Variants in OTUD7A observed in about 807,000 individuals in gnomAD.
OTUD7A encodes the protein OTU deubiquitinase 7A.
A neutral mutation model predicts 65.7 loss-of-function variants in OTUD7A; 12 were observed. The ratio of observed to expected loss-of-function variants is 0.18; its 90% confidence interval spans 0.12 to 0.30. OTUD7A has a LOEUF of 0.30. Ranked by LOEUF, OTUD7A falls within the 10% of genes least tolerant of loss-of-function variation. The pLI is 1.00. For synonymous variants in OTUD7A, 641 were observed against 586.3 expected (o/e 1.09, Z -1.35); for missense variants, 1,148 against 1,304.8 (o/e 0.88, Z 1.85).
intron 1 of OTUD7A, among the ~76,000 whole-genome samples, chr15:31,854,539 T>C (rs973081869): frequency 6.6e-6 from 1 of 152,220 alleles, no homozygotes; most frequent in Admixed American, 6.5e-5. Context: ...GGCAAAGTCC[T>C]GAAGCTGCCA....
intron 1 of OTUD7A, among the ~76,000 whole-genome samples, chr15:31,775,119 C>G (rs1895342993): frequency 6.6e-6 from 1 of 150,870 alleles, no homozygotes; most frequent in Admixed American, 6.6e-5. Flanking sequence ...CACACACACA[C>G]CCCTCCCCTC....
intron 1 of OTUD7A, among the ~76,000 whole-genome samples, chr15:31,745,580 A>T (rs1214623669): frequency 6.6e-6 from 1 of 152,124 alleles, no homozygotes; most frequent in East Asian, 1.9e-4. Flanking sequence ...TACAACTATA[A>T]CCTTTTTCAG....
intron 5 of OTUD7A, among the ~76,000 whole-genome samples, chr15:31,545,926 TG>T (rs1279248239): frequency 6.6e-6 from 1 of 152,134 alleles, no homozygotes; most frequent in Non-Finnish European, 1.5e-5. Flanking sequence ...AACCAACTGC[TG>T]ATAGAAATAA....
At chr15:31,797,387 A>C (rs1283957847) in intron 1 of OTUD7A, among the ~76,000 whole-genome samples, 1 of 152,202 alleles carries the variant, frequency 6.6e-6, no homozygotes, top group African/African-American at 2.4e-5. Flanking sequence ...TTGGCAGTGA[A>C]GGGAATGTAG....
chr15:31,514,057 CTTTT>C (rs375888532), intron 8 of OTUD7A, among the ~76,000 whole-genome samples: 29 of 23,096 alleles, frequency 1.3e-3, no homozygotes, highest in South Asian at 5.8e-3. Flanking sequence ...TTCTTTCTTT[CTTTT>C]TTTTTTTTTT....
chr15:31,645,836 A>T (rs1047311133), intron 3 of OTUD7A, among the ~76,000 whole-genome samples: 2 of 152,156 alleles, frequency 1.3e-5, no homozygotes, highest in Non-Finnish European at 2.9e-5. Flanking sequence ...TTTTGTTAGA[A>T]CACAGCTGCC....
At chr15:31,649,722 G>C (rs896116457) in intron 3 of OTUD7A, 1 of 430,582 alleles carries the variant, frequency 2.3e-6, no homozygotes, top group Non-Finnish European at 4.8e-6. Context: ...TGAGGTGAGT[G>C]AGCACTCACC....
chr15:31,847,064 G>A (rs1897309124), intron 1 of OTUD7A, among the ~76,000 whole-genome samples: 1 of 152,204 alleles, frequency 6.6e-6, no homozygotes, highest in South Asian at 2.1e-4. Flanking sequence ...AGAGGGCAGG[G>A]CACCCCGCAG....
At chr15:31,863,327 T>C (rs1031375938) in intron 1 of OTUD7A, among the ~76,000 whole-genome samples, 5 of 152,218 alleles carry the variant, frequency 3.3e-5, no homozygotes, top group Admixed American at 3.3e-4. Context: ...CAGGAGGGAC[T>C]TGTGTGGGGG....
intron 1 of OTUD7A, among the ~76,000 whole-genome samples, chr15:31,737,948 T>TATATA (rs1180923423): frequency 4.6e-5 from 7 of 152,250 alleles, no homozygotes; most frequent in Non-Finnish European, 1.0e-4. Flanking sequence ...TGTTCATAAA[T>TATATA]GTATAGGTGT....
intron 10 of OTUD7A, among the ~76,000 whole-genome samples, chr15:31,489,184 C>G (rs1249627799): frequency 1.3e-5 from 2 of 152,168 alleles, no homozygotes; most frequent in African/African-American, 4.8e-5. Context: ...GTGGCACAGG[C>G]TCTCCCCATC....
At chr15:31,696,005 G>A (rs1893071966) in intron 1 of OTUD7A, among the ~76,000 whole-genome samples, 2 of 152,358 alleles carry the variant, frequency 1.3e-5, no homozygotes, top group South Asian at 4.2e-4. Context: ...ACTGCCCCAC[G>A]GAGGAGAATT....
At chr15:31,636,361 T>C (rs952379304) in intron 3 of OTUD7A, among the ~76,000 whole-genome samples, 2 of 152,174 alleles carry the variant, frequency 1.3e-5, no homozygotes, top group African/African-American at 2.4e-5. Flanking sequence ...TTACAACAGT[T>C]CTGGTTCTGG....
intron 3 of OTUD7A, among the ~76,000 whole-genome samples, chr15:31,629,366 A>G (rs1039409648): frequency 6.6e-6 from 1 of 152,092 alleles, no homozygotes; most frequent in Non-Finnish European, 1.5e-5. Flanking sequence ...GGTTTTTGTC[A>G]TTGGTTCTGT....
chr15:31,611,175 T>A (rs1890408780), intron 3 of OTUD7A, among the ~76,000 whole-genome samples: 1 of 152,100 alleles, frequency 6.6e-6, no homozygotes, highest in African/African-American at 2.4e-5. Context: ...GGAAACTTCA[T>A]AGCCCTACAC....
chr15:31,718,765 T>C (rs1377765054), intron 1 of OTUD7A, among the ~76,000 whole-genome samples: 1 of 147,784 alleles, frequency 6.8e-6, no homozygotes, highest in East Asian at 1.9e-4. Flanking sequence ...ACTCCATTGT[T>C]ATCATGGACT....
chr15:31,499,378 C>T (rs992796455), intron 10 of OTUD7A, among the ~76,000 whole-genome samples: 8 of 152,062 alleles, frequency 5.3e-5, no homozygotes, highest in East Asian at 1.9e-4. Context: ...TCCTGGGGCT[C>T]GATATTCTGG....
rs1887767169 is a variant in OTUD7A, at chr15:31,535,576, A to G, written c.551-4768T>C. Among the ~76,000 whole-genome samples, 4 of 152,148 alleles carry G rather than the reference A, an allele frequency of 2.6e-5. 1 individual carries two copies. In the South Asian group the frequency reaches 8.3e-4, roughly 32 times the overall value. On this transcript the variant is annotated intron_variant, in intron 5 of 12. Coordinates refer to ENST00000307050, the MANE Select transcript of OTUD7A (RefSeq NM_001382637.1). The stretch of plus-strand genomic sequence containing the variant: ...AACATAAGACTCATATAAGAAATTC[A>G]GAGCAGCCTTATTTCTCAATAAAAC...
chr15:31,583,511 T>C (rs963488805), intron 3 of OTUD7A, among the ~76,000 whole-genome samples: 12 of 151,996 alleles, frequency 7.9e-5, no homozygotes, highest in East Asian at 5.8e-4. Flanking sequence ...TGGGAGACAA[T>C]TGAATCATGG....
Sources: gnomAD v4.1 joint callset for allele counts (sites outside exome capture counted in the v4.1 genomes callset) on GRCh38, gnomAD v4.1.1 for gene constraint, MANE v1.5 for transcripts, NCBI Gene and HGNC (gene_info 2026-07-23, HGNC 2026-07-21) for gene names.